The following TMEM132D variants were observed in gnomAD, a reference collection of about 807,000 sequenced individuals.
TMEM132D encodes mature OL transmembrane protein.
A neutral mutation model predicts 62.3 loss-of-function variants in TMEM132D; 21 were observed. The observed-to-expected ratio is 0.34, with a 90% CI of 0.24 to 0.49. The LOEUF is 0.49. TMEM132D is among the 20% of genes least tolerant of loss of function. TMEM132D has a pLI of 0.99. For synonymous variants in TMEM132D, 621 were observed against 575.6 expected, an observed-to-expected ratio of 1.08 and a Z score of -1.13; for missense variants, 1,346 against 1,402.8, an observed-to-expected ratio of 0.96 and a Z score of 0.65.
At chr12:129,102,415 G>A (rs367653809) in intron 5 of TMEM132D, among the ~76,000 whole-genome samples, 33 of 150,538 alleles carry the variant, frequency 2.2e-4, no homozygotes, top group East Asian at 3.9e-4. Context: ...ACACATGCAC[G>A]CACACTCGCA....
Position 129,867,480 on chromosome 12 carries a change from A to G in TMEM132D, c.79+35781T>C, listed in dbSNP as rs956301636. Among the ~76,000 whole-genome samples the G allele has an allele frequency of 2.6e-5, 4 of 152,344 alleles. No individual in the cohort carries two copies. Among genetic ancestry groups the G allele is most frequent in the South Asian group, 2.1e-4 (1 of 4,824 alleles). On this transcript the variant is annotated intron_variant, in intron 1 of 8. Transcript: ENST00000422113. The surrounding 1 kb of genome is among the most constrained non-coding windows in gnomAD (Gnocchi z 4.5). ...ATAGGGAGATGCTGATGAAAAAGGGAAAACCTTCTATTATGCCAGATGAGC... is the reference window on the plus strand; with the variant it reads ...ATAGGGAGATGCTGATGAAAAAGGGGAAACCTTCTATTATGCCAGATGAGC...
intron 5 of TMEM132D, among the ~76,000 whole-genome samples, chr12:129,097,398 C>T (rs963332540): frequency 6.6e-6 from 1 of 152,216 alleles, no homozygotes; most frequent in African/African-American, 2.4e-5. Flanking sequence ...AATGAATGCA[C>T]ATTCTCTGTA....
At chr12:129,555,241 C>T (rs1196947107) in intron 2 of TMEM132D, among the ~76,000 whole-genome samples, 8 of 152,158 alleles carry the variant, frequency 5.3e-5, no homozygotes, top group African/African-American at 4.8e-5. Context: ...TCCATAACAC[C>T]GGTGTTGAAT....
At chr12:129,845,774 G>T (rs763761124) in intron 1 of TMEM132D, among the ~76,000 whole-genome samples, 1 of 152,198 alleles carries the variant, frequency 6.6e-6, no homozygotes, top group Admixed American at 6.5e-5. Flanking sequence ...ATTCAAGGGT[G>T]AGCCAGTGGT....
chr12:129,691,185 G>C (rs1593121826), intron 2 of TMEM132D, among the ~76,000 whole-genome samples: 1 of 151,812 alleles, frequency 6.6e-6, no homozygotes, highest in Non-Finnish European at 1.5e-5. Flanking sequence ...GAAAAGCAGT[G>C]CTTAGAGAAA....
At chr12:129,656,718 C>T (rs541223093) in intron 2 of TMEM132D, among the ~76,000 whole-genome samples, 1 of 152,332 alleles carries the variant, frequency 6.6e-6, no homozygotes, top group African/African-American at 2.4e-5. Context: ...TCAAAATTAA[C>T]TTTTGAGCAC....
chr12:129,289,560 A>G (rs1028449907), intron 4 of TMEM132D, among the ~76,000 whole-genome samples: 43 of 148,694 alleles, frequency 2.9e-4, no homozygotes, highest in Non-Finnish European at 4.0e-4. Flanking sequence ...AAAAAAAAAA[A>G]AAAAGAAAAA....
At chr12:129,742,556 A>C (rs1405237298) in intron 1 of TMEM132D, among the ~76,000 whole-genome samples, 1 of 152,150 alleles carries the variant, frequency 6.6e-6, no homozygotes, top group East Asian at 1.9e-4. Context: ...ACACATTCAA[A>C]CCATATCACC....
At chr12:129,175,214 C>T (rs1418465530) in intron 5 of TMEM132D, among the ~76,000 whole-genome samples, 1 of 112,618 alleles carries the variant, frequency 8.9e-6, no homozygotes, top group Non-Finnish European at 2.0e-5. Context: ...TTGGGTTTTA[C>T]ATTTGTCTTT....
At chr12:129,768,194 C>T (rs936768917) in intron 1 of TMEM132D, among the ~76,000 whole-genome samples, 3 of 152,076 alleles carry the variant, frequency 2.0e-5, no homozygotes, top group African/African-American at 7.2e-5. Context: ...GCACAAATTT[C>T]TCTTTGAGAT....
chr12:129,474,174 T>C (rs1445658263), intron 3 of TMEM132D, among the ~76,000 whole-genome samples: 1 of 152,224 alleles, frequency 6.6e-6, no homozygotes, highest in Non-Finnish European at 1.5e-5. Flanking sequence ...TTCAAAGGCA[T>C]GTGCATTGTC....
intron 3 of TMEM132D, among the ~76,000 whole-genome samples, chr12:129,391,469 G>C (rs939415252): frequency 6.6e-6 from 1 of 152,108 alleles, no homozygotes; most frequent in Admixed American, 6.5e-5. Context: ...TCAGATTTAG[G>C]CCAGAGCAAT....
At chr12:129,732,837 G>A (rs1448082024) in intron 1 of TMEM132D, among the ~76,000 whole-genome samples, 1 of 152,224 alleles carries the variant, frequency 6.6e-6, no homozygotes, top group African/African-American at 2.4e-5. Flanking sequence ...CCAGGGAGGG[G>A]ATGGGGGCTG....
chr12:129,714,168 C>T (rs1868481043), intron 1 of TMEM132D, among the ~76,000 whole-genome samples: 3 of 152,216 alleles, frequency 2.0e-5, no homozygotes, highest in Admixed American at 2.0e-4. Flanking sequence ...AGTGCCCATC[C>T]CCAGGCCCCT....
intron 4 of TMEM132D, among the ~76,000 whole-genome samples, chr12:129,244,488 T>TA (rs5801842): frequency 0.26 from 38,806 of 151,892 alleles, 5,071 homozygotes; most frequent in African/African-American, 0.28. Context: ...AGACAATGCT[T>TA]ACGCTATGGC....
At chr12:129,465,003 G>A (rs935669516) in intron 3 of TMEM132D, among the ~76,000 whole-genome samples, 1 of 7,420 alleles carries the variant, frequency 1.3e-4, no homozygotes, top group African/African-American at 1.4e-4. Flanking sequence ...TTCCAATTCT[G>A]TGAAGAAGGC....
chr12:129,769,587 A>G (rs1441160290), intron 1 of TMEM132D, among the ~76,000 whole-genome samples: 1 of 152,174 alleles, frequency 6.6e-6, no homozygotes, highest in African/African-American at 2.4e-5. Flanking sequence ...TACATGCCTA[A>G]TACTGCCCTC....
At chr12:129,879,062 C>A (rs189643114) in intron 1 of TMEM132D, among the ~76,000 whole-genome samples, 50 of 152,344 alleles carry the variant, frequency 3.3e-4, no homozygotes, top group African/African-American at 1.1e-3. Flanking sequence ...ATTTATTTTA[C>A]CAAATTCTCT....
At chr12:129,816,681 C>T (rs557979403) in intron 1 of TMEM132D, among the ~76,000 whole-genome samples, 5 of 152,250 alleles carry the variant, frequency 3.3e-5, no homozygotes, top group South Asian at 4.1e-4. Context: ...CAAGTCTTCC[C>T]GAGTCTTGGG....
Sources: allele counts gnomAD v4.1 joint callset (sites outside exome capture counted in the v4.1 genomes callset), GRCh38; gene constraint gnomAD v4.1.1; non-coding constraint Gnocchi (gnomAD v3.1); transcripts MANE v1.5; gene names NCBI Gene and HGNC (gene_info 2026-07-23, HGNC 2026-07-21).